Variants in PCDH15 observed in about 807,000 individuals in gnomAD.
PCDH15 encodes the protein protocadherin related 15.
Under a neutral mutation model 178.5 loss-of-function variants are expected in PCDH15, and 129 were observed. The observed-to-expected ratio is 0.72, with a 90% confidence interval of 0.63 to 0.84. PCDH15 has a LOEUF of 0.84. PCDH15 is among the 40% of genes least tolerant of loss of function. The pLI, the probability that PCDH15 is intolerant of heterozygous loss-of-function variation, is 0.00. For missense variants in PCDH15, 2,230 were observed against 2,099.9 expected (o/e 1.06, Z -1.21); for synonymous variants, 800 against 732.0 (o/e 1.09, Z -1.50).
chr10:54,743,818 G>GA (rs60531822), intron 1 of PCDH15, among the ~76,000 whole-genome samples: 19,252 of 147,974 alleles, frequency 0.13, 1,401 homozygotes, highest in African/African-American at 0.19. Flanking sequence ...TTAGAAAAAA[G>GA]AAAAAAAAAG....
intron 2 of PCDH15, among the ~76,000 whole-genome samples, chr10:54,957,819 C>T (rs1181357289): frequency 6.6e-6 from 1 of 151,580 alleles, no homozygotes; most frequent in African/African-American, 2.4e-5. Flanking sequence ...CCAAAATATG[C>T]CACTTTAGCA....
chr10:53,919,151 T>C (rs778621535), intron 25 of PCDH15, among the ~76,000 whole-genome samples: 1 of 152,154 alleles, frequency 6.6e-6, no homozygotes, highest in Non-Finnish European at 1.5e-5. Context: ...AAATCCTTAA[T>C]CCAATTACAT....
chr10:54,627,385 T>C (rs563641060), intron 2 of PCDH15, among the ~76,000 whole-genome samples: 9 of 152,236 alleles, frequency 5.9e-5, no homozygotes, highest in Admixed American at 1.3e-4. Context: ...GATTGAATCA[T>C]GGGGGCAGAT....
intron 2 of PCDH15, among the ~76,000 whole-genome samples, chr10:55,520,883 A>T (rs1167445087): frequency 6.6e-6 from 1 of 151,982 alleles, no homozygotes; most frequent in African/African-American, 2.4e-5. Context: ...ACATATATAC[A>T]TCAAGCTAAT....
intron 2 of PCDH15, among the ~76,000 whole-genome samples, chr10:54,979,529 C>T (rs887570643): frequency 2.0e-5 from 3 of 151,806 alleles, no homozygotes; most frequent in Admixed American, 6.6e-5. Context: ...ATTAGCCAGA[C>T]GTGGTGATAC....
chr10:55,080,499 G>A (rs1842011693), intron 2 of PCDH15, among the ~76,000 whole-genome samples: 1 of 152,172 alleles, frequency 6.6e-6, no homozygotes, highest in South Asian at 2.1e-4. Context: ...CAGAGGTCAT[G>A]CTGTGTGAGC....
chr10:54,218,137 G>T (rs769242662), intron 9 of PCDH15, among the ~76,000 whole-genome samples: 10 of 152,156 alleles, frequency 6.6e-5, no homozygotes, highest in Non-Finnish European at 5.9e-5. Flanking sequence ...TTAACATGGG[G>T]TAAACAAATA....
At chr10:54,549,668 T>A (rs1207794138) in intron 2 of PCDH15, among the ~76,000 whole-genome samples, 1 of 151,576 alleles carries the variant, frequency 6.6e-6, no homozygotes, top group East Asian at 1.9e-4. Flanking sequence ...TTGGTATAGG[T>A]TTTTATATAT....
intron 23 of PCDH15, 32 bp downstream of exon 23, chr10:53,959,700 C>T (rs775296790): frequency 1.3e-5 from 19 of 1,504,838 alleles, no homozygotes; most frequent in Admixed American, 6.7e-5. Context: ...CTAAACATTT[C>T]GTGTATTTCA....
chr10:55,015,474 G>A (rs1466411681), intron 2 of PCDH15, among the ~76,000 whole-genome samples: 1 of 152,084 alleles, frequency 6.6e-6, no homozygotes, highest in African/African-American at 2.4e-5. Flanking sequence ...GTGGGTTTGA[G>A]TACTGAGCGC....
chr10:54,712,340 AT>A (rs1250352796), intron 1 of PCDH15, among the ~76,000 whole-genome samples: 1 of 151,916 alleles, frequency 6.6e-6, no homozygotes, highest in Non-Finnish European at 1.5e-5. Flanking sequence ...ATTAATTTAT[AT>A]TGCTAAATTT....
intron 1 of PCDH15, among the ~76,000 whole-genome samples, chr10:55,222,722 C>G (rs868264012): frequency 3.2e-4 from 12 of 37,482 alleles, no homozygotes; most frequent in South Asian, 1.7e-3. Context: ...CACACACACA[C>G]ACACACACAT....
At chr10:54,924,919 AT>A (rs1837580622) in intron 2 of PCDH15, among the ~76,000 whole-genome samples, 1 of 151,968 alleles carries the variant, frequency 6.6e-6, no homozygotes, top group South Asian at 2.1e-4. Context: ...TTGATCGTTT[AT>A]TTTGCTGTGC....
chr10:55,326,725 G>C (rs1844040813), intron 2 of PCDH15, among the ~76,000 whole-genome samples: 1 of 151,734 alleles, frequency 6.6e-6, no homozygotes, highest in African/African-American at 2.4e-5. Context: ...CAAATTTAAA[G>C]AAAACAACAA....
At chr10:54,913,361 A>T (rs1954849752) in intron 2 of PCDH15, among the ~76,000 whole-genome samples, 1 of 152,160 alleles carries the variant, frequency 6.6e-6, no homozygotes, top group South Asian at 2.1e-4. Context: ...AGAAGGTGCA[A>T]GCCCCAAGCA....
chr10:54,938,513 C>A (rs1179421148), intron 2 of PCDH15, among the ~76,000 whole-genome samples: 1 of 151,804 alleles, frequency 6.6e-6, no homozygotes, highest in African/African-American at 2.4e-5. Context: ...TTAATTTTTT[C>A]TTAAATATTT....
intron 2 of PCDH15, among the ~76,000 whole-genome samples, chr10:55,350,268 T>TATAC (rs1327352441): frequency 1.5e-3 from 83 of 56,690 alleles, no homozygotes; most frequent in East Asian, 0.011. Flanking sequence ...TATATATATA[T>TATAC]ACACACACAC....
intron 3 of PCDH15, among the ~76,000 whole-genome samples, chr10:54,831,637 C>A (rs953007132): frequency 1.3e-5 from 2 of 151,972 alleles, no homozygotes; most frequent in African/African-American, 4.8e-5. Context: ...ACACCATAAC[C>A]AAAAGCTAAA....
intron 2 of PCDH15, among the ~76,000 whole-genome samples, chr10:54,555,427 G>T (rs552889660): frequency 1.3e-5 from 2 of 152,058 alleles, no homozygotes; most frequent in East Asian, 3.9e-4. Flanking sequence ...TTTCTCTTGA[G>T]ATCTCTAAAG....
Sources: allele counts gnomAD v4.1 joint callset (sites outside exome capture counted in the v4.1 genomes callset), GRCh38; gene constraint gnomAD v4.1.1; transcripts MANE v1.5; gene names NCBI Gene and HGNC (gene_info 2026-07-23, HGNC 2026-07-21).